Variants in PHACTR2 observed in about 807,000 individuals in gnomAD.
The protein encoded by PHACTR2 is chromosome 6 open reading frame 56.
A neutral mutation model predicts 76.0 loss-of-function variants in PHACTR2; 30 were observed. The observed-to-expected ratio is 0.39, with a 90% CI of 0.30 to 0.54. The LOEUF is 0.54. Ranked by LOEUF, PHACTR2 falls within the 20% of genes least tolerant of loss-of-function variation. The pLI, the probability that PHACTR2 is intolerant of heterozygous loss-of-function variation, is 0.61. For synonymous variants in PHACTR2, 292 were observed against 292.5 expected (o/e 1.00, Z 0.02); for missense variants, 696 against 781.1 (o/e 0.89, Z 1.30).
At position 143,570,793 on chromosome 6, in the gene PHACTR2, C is replaced by A. The variant is rs1377784279; in HGVS notation, c.217+33586C>A. On this transcript the variant is annotated intron_variant, in intron 1 of 11. Transcript: ENST00000367584. This position sits in a 1 kb window ranked among gnomAD's most constrained non-coding sequence, Gnocchi z 4.6. ...GGTAGGGGGCCTCTATCTTATTGAG[C>A]ACACTTTTGACGGTGGAGATGCCGC... 2.0e-5 allele frequency among the ~76,000 whole-genome samples: 3 copies of A among 152,052 alleles called. No individual in the cohort carries two copies. The highest frequency in any genetic ancestry group is 7.2e-5 in the African/African-American group (3 of 41,384).
Position 143,548,364 on chromosome 6 carries a change from C to G in PHACTR2, c.217+11157C>G, listed in dbSNP as rs1775040129. On this transcript the variant is annotated intron_variant, in intron 1 of 11. Transcript: ENST00000367584. This position sits in a 1 kb window ranked among gnomAD's most constrained non-coding sequence, Gnocchi z 4.5. ...TGGATTTTGAAGGGATATAAGCATT[C>G]AGTCCGTAACACTACCTAACTAATC... 6.6e-6 allele frequency among the ~76,000 whole-genome samples: 1 copy of G among 152,090 alleles called. No homozygotes were observed. The highest frequency in any genetic ancestry group is 1.5e-5 in the Non-Finnish European group (1 of 67,986).
Position 143,751,671 on chromosome 6 carries a change from T to C in PHACTR2, c.296-2083T>C, listed in dbSNP as rs777382201. ...TCTCTGTTTTCTTTAAGCTGACAAC[T>C]ACGTTTTGAGTTTTCTCTTTCCTTT... On this transcript the variant is annotated intron_variant, in intron 3 of 12. Coordinates refer to ENST00000440869, the MANE Select transcript of PHACTR2 (RefSeq NM_001100164.2). This position sits in a 1 kb window ranked among gnomAD's most constrained non-coding sequence, Gnocchi z 5.7. Among the ~76,000 whole-genome samples, 3 of 152,118 alleles carry C rather than the reference T, an allele frequency of 2.0e-5. No individual in the cohort carries two copies. Among genetic ancestry groups the C allele is most frequent in the Non-Finnish European group, 2.9e-5 (2 of 68,022 alleles).
intron 1 of PHACTR2, among the ~76,000 whole-genome samples, chr6:143,622,005 AGT>A (rs1776162969): frequency 6.6e-6 from 1 of 151,862 alleles, no homozygotes; most frequent in African/African-American, 2.4e-5. Context: ...AATAATCAAG[AGT>A]GTTATCCTTT....
chr6:143,779,495 G>A (rs906780468), intron 9 of PHACTR2, among the ~76,000 whole-genome samples: 3 of 151,894 alleles, frequency 2.0e-5, no homozygotes, highest in Non-Finnish European at 2.9e-5. Flanking sequence ...GACTACAGGT[G>A]CGCATCACCA....
At position 143,610,575 on chromosome 6, in the gene PHACTR2, A is replaced by T. The variant is rs1775959982; in HGVS notation, c.13+2253A>T. Among the ~76,000 whole-genome samples, 1 of 152,204 alleles carries T rather than the reference A, an allele frequency of 6.6e-6. No individual in the cohort carries two copies. The highest frequency in any genetic ancestry group is 2.4e-5 in the African/African-American group (1 of 41,458). ...CACACAGGTTGAATGTCCCTCATTT[A>T]TTCAAGTCACATAGAACGCTGCATC... On this transcript the variant is annotated intron_variant, in intron 1 of 11. Transcript: ENST00000305766. This position sits in a 1 kb window ranked among gnomAD's most constrained non-coding sequence, Gnocchi z 4.9.
intron 2 of PHACTR2, among the ~76,000 whole-genome samples, chr6:143,735,574 AT>A (rs1007231419): frequency 6.6e-6 from 1 of 152,118 alleles, no homozygotes; most frequent in Non-Finnish European, 1.5e-5. Flanking sequence ...CTCTGTGCCC[AT>A]TCAACAACTT....
intron 1 of PHACTR2, among the ~76,000 whole-genome samples, chr6:143,670,632 A>G (rs759822450): frequency 7.9e-5 from 12 of 152,004 alleles, no homozygotes; most frequent in Non-Finnish European, 1.6e-4. Flanking sequence ...TGCCTGATCA[A>G]TTCGACTATT....
rs576810142 is a variant in PHACTR2, at chr6:143,664,652, A to G, written c.14-47364A>G. On this transcript the variant is annotated intron_variant, in intron 1 of 11. Transcript: ENST00000305766. The surrounding 1 kb of genome is among the most constrained non-coding windows in gnomAD (Gnocchi z 5.1). Reference sequence around the variant, plus strand: ...CCCCGATCAAAATCAGGACTTTAACATACATGTTAAAACTTCACTACTTCC... The same window carrying G: ...CCCCGATCAAAATCAGGACTTTAACGTACATGTTAAAACTTCACTACTTCC... 2.6e-5 allele frequency among the ~76,000 whole-genome samples: 4 copies of G among 152,314 alleles called. No individual in the cohort carries two copies. The East Asian group carries it at 7.7e-4, about 29-fold the overall frequency.
chr6:143,655,715 A>G (rs1338058354), intron 1 of PHACTR2, among the ~76,000 whole-genome samples: 2 of 152,216 alleles, frequency 1.3e-5, no homozygotes, highest in South Asian at 4.1e-4. Context: ...GTTTGCATTT[A>G]TGATTTACTT....
In PHACTR2 at chr6:143,648,312, G is replaced by A. The variant is rs1181390008; in HGVS notation, c.13+39990G>A. On this transcript the variant is annotated intron_variant, in intron 1 of 11. Coordinates refer to the PHACTR2 transcript ENST00000305766. The surrounding 1 kb of genome is among the most constrained non-coding windows in gnomAD (Gnocchi z 6.7). ...TATTGCAGCCCATCTGCATTTCCCT[G>A]GGAGCTCAATTAGTCATCACTTTGC... is the stretch of plus-strand genomic sequence containing the variant. Among the ~76,000 whole-genome samples the A allele has an allele frequency of 6.6e-6, 1 of 152,186 alleles. No homozygotes were observed. Among genetic ancestry groups the A allele is most frequent in the African/African-American group, 2.4e-5 (1 of 41,442 alleles).
At chr6:143,796,722 C>A (rs549561332) in intron 11 of PHACTR2, among the ~76,000 whole-genome samples, 52 of 152,174 alleles carry the variant, frequency 3.4e-4, no homozygotes, top group Admixed American at 7.2e-4. Context: ...CATCCGTGTC[C>A]CTGCAAAGGA....
In PHACTR2 at chr6:143,570,838, C is replaced by T. The variant is rs534875731; in HGVS notation, c.217+33631C>T. Among the ~76,000 whole-genome samples the T allele has an allele frequency of 6.6e-6, 1 of 152,254 alleles. No individual in the cohort carries two copies. Among genetic ancestry groups the T allele is most frequent in the Non-Finnish European group, 1.5e-5 (1 of 68,016 alleles). The stretch of plus-strand genomic sequence containing the variant: ...TGCCGCTTTATTGCAAATCCCTCCC[C>T]GGACTCCTCCTCTTCTTCCAAAATT... On this transcript the variant is annotated intron_variant, in intron 1 of 11. Transcript: ENST00000367584. This position sits in a 1 kb window ranked among gnomAD's most constrained non-coding sequence, Gnocchi z 4.6.
At chr6:143,798,356 G>A (rs950188462) in intron 11 of PHACTR2, among the ~76,000 whole-genome samples, 1 of 152,088 alleles carries the variant, frequency 6.6e-6, no homozygotes, top group Non-Finnish European at 1.5e-5. Flanking sequence ...AAAGATAATT[G>A]GACTTCCTCT....
At chr6:143,817,369 AGCTCAT>A (rs902448553) in intron 12 of PHACTR2, among the ~76,000 whole-genome samples, 6 of 152,210 alleles carry the variant, frequency 3.9e-5, no homozygotes, top group Admixed American at 3.3e-4. Flanking sequence ...GGCCTTTGGT[AGCTCAT>A]GGTGTGAGGG....
Position 143,742,732 on chromosome 6 carries a change from C to T in PHACTR2, c.215-6253C>T, listed in dbSNP as rs1034001517. On this transcript the variant is annotated intron_variant, in intron 2 of 12. Coordinates refer to ENST00000440869, the MANE Select transcript of PHACTR2 (RefSeq NM_001100164.2). This position sits in a 1 kb window ranked among gnomAD's most constrained non-coding sequence, Gnocchi z 4.5. ...CTAGACATGCCTTTCCTCCTTCCCC[C>T]CAAAAAGACACTTAGGTCCCCAATA... Among the ~76,000 whole-genome samples, 2 of 152,120 alleles carry T rather than the reference C, an allele frequency of 1.3e-5. No individual in the cohort carries two copies. Among genetic ancestry groups the T allele is most frequent in the Non-Finnish European group, 2.9e-5 (2 of 68,030 alleles).
At chr6:143,542,514 C>G (rs1226951154) in intron 1 of PHACTR2, among the ~76,000 whole-genome samples, 1 of 152,142 alleles carries the variant, frequency 6.6e-6, no homozygotes, top group Non-Finnish European at 1.5e-5. Context: ...TTCTCTAGCC[C>G]TTTCCTAGGC....
At chr6:143,643,333 T>C (rs544017685) in intron 1 of PHACTR2, among the ~76,000 whole-genome samples, 19 of 152,336 alleles carry the variant, frequency 1.2e-4, no homozygotes, top group African/African-American at 4.6e-4. Flanking sequence ...GATTTAGAAA[T>C]ATTTTCTTAA....
rs79260028 is a variant in PHACTR2 at position 143,823,621 on chromosome 6, A to G, written c.1923-53A>G. On this transcript the variant is annotated intron_variant, in intron 12 of 12. Coordinates refer to ENST00000440869, the MANE Select transcript of PHACTR2 (RefSeq NM_001100164.2). This position sits in a 1 kb window ranked among gnomAD's most constrained non-coding sequence, Gnocchi z 5.7. ...GACCACGCCTTATTCAGCTCACTGC[A>G]TGCAGAATGTGCTCCTAGGCCACAG... 1 of 1,489,402 alleles carries G rather than the reference A, an allele frequency of 6.7e-7. No individual in the cohort carries two copies. The highest frequency in any genetic ancestry group is 2.3e-5 in the East Asian group (1 of 44,186). The allele number at this position is 1,489,402 out of a possible 1,614,324, so 92.3% of individuals were successfully genotyped here.
Position 143,751,460 on chromosome 6 carries a change from A to T in PHACTR2, c.296-2294A>T, listed in dbSNP as rs73778677. Among the ~76,000 whole-genome samples the T allele has an allele frequency of 0.046, 7,018 of 151,852 alleles. 544 individuals are homozygous for T. The highest frequency in any genetic ancestry group is 0.16 in the African/African-American group (6,558 of 41,342). ...GTGGAGGTGGTTTTGCCTGTGTGCC[A>T]TCCTTTCCTTTTCTCCCACTGTGGA... On this transcript the variant is annotated intron_variant, in intron 3 of 12. Transcript: ENST00000440869. The surrounding 1 kb of genome is among the most constrained non-coding windows in gnomAD (Gnocchi z 5.7).
Sources: allele counts gnomAD v4.1 joint callset (sites outside exome capture counted in the v4.1 genomes callset), GRCh38; gene constraint gnomAD v4.1.1; non-coding constraint Gnocchi (gnomAD v3.1); transcripts MANE v1.5; gene names NCBI Gene and HGNC (gene_info 2026-07-23, HGNC 2026-07-21).